Variants in SGCZ observed in about 807,000 individuals in gnomAD.
SGCZ encodes the protein zeta-sarcoglycan.
In SGCZ, 40 loss-of-function variants were observed where a neutral mutation model predicts 41.3. That is an observed-to-expected ratio of 0.97 (90% CI 0.75 to 1.26). The LOEUF (loss-of-function observed/expected upper bound fraction) is 1.26, where lower values mean the gene tolerates loss of function less well. Ranked by LOEUF, SGCZ falls within the 50% of genes most tolerant of loss-of-function variation. The pLI, the probability that SGCZ is intolerant of heterozygous loss-of-function variation, is 0.00. For missense variants in SGCZ, 552 were observed against 369.8 expected, an observed-to-expected ratio of 1.49 and a Z score of -4.04; for synonymous variants, 206 against 137.5, an observed-to-expected ratio of 1.50 and a Z score of -3.49.
intron 3 of SGCZ, among the ~76,000 whole-genome samples, chr8:14,253,369 A>G (rs1386548696): frequency 1.3e-5 from 2 of 152,076 alleles, no homozygotes; most frequent in African/African-American, 2.4e-5. Flanking sequence ...TTATTATAAG[A>G]TAAAAGCATA....
intron 5 of SGCZ, among the ~76,000 whole-genome samples, chr8:14,163,121 C>T (rs1343924008): frequency 6.6e-6 from 1 of 152,140 alleles, no homozygotes; most frequent in Admixed American, 6.5e-5. Context: ...CCTCTGTCTC[C>T]CAAAGTGCTG....
intron 1 of SGCZ, among the ~76,000 whole-genome samples, chr8:15,128,431 T>C (rs555029769): frequency 2.0e-5 from 3 of 152,344 alleles, no homozygotes; most frequent in Admixed American, 6.5e-5. Context: ...ATATTCCTTA[T>C]GCAGACGTTT....
At chr8:14,138,908 G>T (rs542196831) in intron 5 of SGCZ, among the ~76,000 whole-genome samples, 4 of 152,146 alleles carry the variant, frequency 2.6e-5, no homozygotes, top group South Asian at 4.1e-4. Flanking sequence ...GCACCAAATC[G>T]CACTTATTCC....
At chr8:14,237,561 G>A (rs1259141561) in intron 4 of SGCZ, 31 bp downstream of exon 4, 4 of 1,591,616 alleles carry the variant, frequency 2.5e-6, no homozygotes, top group East Asian at 2.2e-5. Context: ...ACCAAGCACA[G>A]TAGGAGCAAT....
At chr8:14,919,116 T>C (rs1314625983) in intron 1 of SGCZ, among the ~76,000 whole-genome samples, 1 of 152,182 alleles carries the variant, frequency 6.6e-6, no homozygotes, top group Non-Finnish European at 1.5e-5. Context: ...CTATATATCA[T>C]ATGTTAGTCA....
At chr8:15,015,531 T>TA (rs986334063) in intron 1 of SGCZ, among the ~76,000 whole-genome samples, 1 of 151,408 alleles carries the variant, frequency 6.6e-6, no homozygotes, top group South Asian at 2.1e-4. Context: ...ACTGAAAATA[T>TA]AAAAAATTAG....
At chr8:14,281,005 G>A (rs1387793226) in intron 3 of SGCZ, among the ~76,000 whole-genome samples, 1 of 151,720 alleles carries the variant, frequency 6.6e-6, no homozygotes. Context: ...TTTCAGATCA[G>A]ACAAATTTAT....
At chr8:15,160,269 T>C (rs1799470687) in intron 1 of SGCZ, among the ~76,000 whole-genome samples, 1 of 152,204 alleles carries the variant, frequency 6.6e-6, no homozygotes, top group Admixed American at 6.5e-5. Flanking sequence ...GTCCTCAAGA[T>C]TGGTCCATAT....
chr8:14,571,993 T>C (rs1804568582), intron 1 of SGCZ, among the ~76,000 whole-genome samples: 1 of 152,216 alleles, frequency 6.6e-6, no homozygotes, highest in African/African-American at 2.4e-5. Flanking sequence ...TATCTGATTG[T>C]TTAAAATACT....
At chr8:14,951,381 T>C (rs908108808) in intron 1 of SGCZ, among the ~76,000 whole-genome samples, 2 of 151,982 alleles carry the variant, frequency 1.3e-5, no homozygotes, top group African/African-American at 4.8e-5. Flanking sequence ...ATCACTATAG[T>C]GCATGTCAAA....
At position 15,175,246 on chromosome 8, in the gene SGCZ, G is replaced by A. The variant is rs1254864971; in HGVS notation, c.39+62339C>T. On this transcript the variant is annotated intron_variant, in intron 1 of 7. Coordinates refer to ENST00000382080, the MANE Select transcript of SGCZ (RefSeq NM_139167.4). Reference sequence around the variant, plus strand: ...CACATGCATGCTTGTGTTCACTGCAGCACTATTCACAATAGCAAAAACATG... The same window carrying A: ...CACATGCATGCTTGTGTTCACTGCAACACTATTCACAATAGCAAAAACATG... Among the ~76,000 whole-genome samples the A allele has an allele frequency of 2.6e-5, 4 of 152,100 alleles. No homozygotes were observed. In the East Asian group the frequency reaches 7.8e-4, roughly 29 times the overall value.
intron 1 of SGCZ, among the ~76,000 whole-genome samples, chr8:15,184,498 G>A (rs989579228): frequency 1.5e-4 from 22 of 151,602 alleles, no homozygotes; most frequent in Non-Finnish European, 2.9e-5. Flanking sequence ...CACCTCTCAT[G>A]CATTTTCTCC....
chr8:14,957,979 G>C (rs1209867328), intron 1 of SGCZ, among the ~76,000 whole-genome samples: 1 of 151,892 alleles, frequency 6.6e-6, no homozygotes, highest in African/African-American at 2.4e-5. Context: ...CTAATTTAAA[G>C]TACTGAATCC....
chr8:14,777,430 G>A (rs928405186), intron 1 of SGCZ, among the ~76,000 whole-genome samples: 12 of 152,176 alleles, frequency 7.9e-5, no homozygotes, highest in Admixed American at 3.3e-4. Context: ...TAACGCAAAC[G>A]AACAAATTAC....
chr8:14,412,030 A>G (rs576009978), intron 2 of SGCZ, among the ~76,000 whole-genome samples: 21 of 152,232 alleles, frequency 1.4e-4, no homozygotes, highest in African/African-American at 4.8e-4. Flanking sequence ...TTTGTTCACA[A>G]CAATATGACC....
At chr8:15,199,117 G>A (rs569868756) in intron 1 of SGCZ, among the ~76,000 whole-genome samples, 12 of 152,210 alleles carry the variant, frequency 7.9e-5, no homozygotes, top group South Asian at 6.2e-4. Flanking sequence ...CATCAACTTC[G>A]GATAGAAATG....
At chr8:14,254,098 C>T (rs1453734862) in intron 3 of SGCZ, among the ~76,000 whole-genome samples, 1 of 151,928 alleles carries the variant, frequency 6.6e-6, no homozygotes, top group South Asian at 2.1e-4. Context: ...AATCCATTAA[C>T]AGAACTGAAG....
At chr8:14,119,948 G>A (rs1156848784) in intron 5 of SGCZ, among the ~76,000 whole-genome samples, 1 of 152,112 alleles carries the variant, frequency 6.6e-6, no homozygotes, top group Non-Finnish European at 1.5e-5. Context: ...TTGATGTGCT[G>A]CTAGATTCAG....
At chr8:14,875,292 A>G (rs1013471746) in intron 1 of SGCZ, among the ~76,000 whole-genome samples, 1 of 152,160 alleles carries the variant, frequency 6.6e-6, no homozygotes, top group Non-Finnish European at 1.5e-5. Flanking sequence ...GTCCTTTTGT[A>G]AGAGCGCTAA....
Sources: gnomAD v4.1 joint callset for allele counts (sites outside exome capture counted in the v4.1 genomes callset) on GRCh38, gnomAD v4.1.1 for gene constraint, MANE v1.5 for transcripts, NCBI Gene and HGNC (gene_info 2026-07-23, HGNC 2026-07-21) for gene names.